Variants in DAZAP2 observed in about 807,000 individuals in gnomAD.
DAZAP2 encodes DAZ associated protein 2.
A neutral mutation model predicts 16.2 loss-of-function variants in DAZAP2; 3 were observed. The ratio of observed to expected loss-of-function variants is 0.19; its 90% CI spans 0.08 to 0.48. The LOEUF (loss-of-function observed/expected upper bound fraction) is 0.48. Among genes scored for constraint, DAZAP2 ranks in the 20% least tolerant of loss-of-function variants. The pLI is 0.98. For missense variants in DAZAP2, 172 were observed against 215.9 expected (o/e 0.80, Z 1.27); for synonymous variants, 69 against 77.6 (o/e 0.89, Z 0.58).
intron 1 of DAZAP2, 101 bp from the exon 2 acceptor site, chr12:51,240,241 TC>T: frequency 1.2e-6 from 1 of 848,072 alleles, no homozygotes; most frequent in Admixed American, 1.8e-5. Context: ...TATTTGCAAA[TC>T]CCCTTCTGCT....
chr12:51,241,246 C>G (rs1199353406), intron 3 of DAZAP2, 130 bp downstream of exon 3: 3 of 1,413,630 alleles, frequency 2.1e-6, no homozygotes, highest in African/African-American at 1.4e-5. Flanking sequence ...ACATCCAATA[C>G]TCAGGCAGAA....
At chr12:51,245,826 G>T, downstream of DAZAP2, 2 of 1,240,690 alleles carry the variant, frequency 1.6e-6, no homozygotes, top group Non-Finnish European at 2.2e-6. Flanking sequence ...CTGGAGCTTG[G>T]ATTTGCCCAC....
At chr12:51,245,855 C>G (rs937483922), downstream of DAZAP2, 6 of 1,465,244 alleles carry the variant, frequency 4.1e-6, no homozygotes, top group African/African-American at 5.6e-5. Context: ...ATGCTTCTCC[C>G]TGGCTTCAGA....
In DAZAP2 at chr12:51,243,017, C is replaced by T. The variant is rs1284997619; in HGVS notation, c.*559C>T. The T allele has an allele frequency of 1.0e-6, 1 of 1,001,670 alleles. No homozygotes were observed. Among genetic ancestry groups the T allele is most frequent in the African/African-American group, 1.7e-5 (1 of 57,666 alleles). 62.0% of individuals were successfully genotyped at this position (1,001,670 alleles called of 1,614,324 possible). ...CAATGGTGCAGGACAGAAAGCCAGT[C>T]AGACTAATTTCCTTCTTTCCTCGCA... On this transcript the variant is annotated 3_prime_UTR_variant, in exon 4 of 4. Transcript: ENST00000412716.
In DAZAP2 at chr12:51,242,905, T is replaced by C; in HGVS notation, c.*447T>C. 1 of 1,194,440 alleles carries C rather than the reference T, an allele frequency of 8.4e-7. No homozygotes were observed. The highest frequency in any genetic ancestry group is 1.0e-6 in the Non-Finnish European group (1 of 962,076). The allele number at this position is 1,194,440 out of a possible 1,614,324, so 74.0% of individuals were successfully genotyped here. A position where few individuals can be genotyped will look rare whatever the true frequency, so the allele number is the denominator to read the frequency against. ...CTTGTTATAAATGGAACGCATTAGT[T>C]GTCTGCCTTTTCCTTTCCATCCCTT... On this transcript the variant is annotated 3_prime_UTR_variant, in exon 4 of 4. Coordinates refer to ENST00000412716, the MANE Select transcript of DAZAP2 (RefSeq NM_014764.4).
At chr12:51,239,090 C>T (rs1944609848) in intron 1 of DAZAP2, 170 bp downstream of exon 1, 2 of 929,580 alleles carry the variant, frequency 2.2e-6, no homozygotes, top group Non-Finnish European at 1.6e-6. Flanking sequence ...ACCCAAATTA[C>T]GGCAGCTTGC....
chr12:51,240,771 G>C, intron 2 of DAZAP2, 100 bp from the exon 3 acceptor site: 1 of 1,487,864 alleles, frequency 6.7e-7, no homozygotes, highest in South Asian at 1.3e-5. Context: ...CTTACAAAAA[G>C]TATAACCTGC....
chr12:51,242,581 T>C lies in DAZAP2; in HGVS notation c.*123T>C, dbSNP rs780242085. ...TAGACACATGTTGTTGGGGTGTCTT[T>C]CTGGTGCCCAAACTTTCAGGCACTT... On this transcript the variant is annotated 3_prime_UTR_variant, in exon 4 of 4. Transcript: ENST00000412716. 6.2e-7 allele frequency: 1 copy of C among 1,608,184 alleles called. No homozygotes were observed. Among genetic ancestry groups the C allele is most frequent in the East Asian group, 2.2e-5 (1 of 44,818 alleles).
rs765751656 is a variant in DAZAP2 at position 51,241,014 on chromosome 12, T to C, written c.276T>C (p.Tyr92=). 3 of 1,614,036 alleles carry C rather than the reference T, an allele frequency of 1.9e-6. No individual in the cohort carries two copies. The highest frequency in any genetic ancestry group is 2.2e-5 in the East Asian group (1 of 44,896). The change falls in exon 3 of 4, where the codon TAT becomes TAC. Residue 92 remains tyrosine (Y), a synonymous_variant. Coordinates refer to ENST00000412716, the MANE Select transcript of DAZAP2 (RefSeq NM_014764.4). ...GTTCCACAATCCCCATGGCTTATTA[T>C]CCAGTCGGTCCCATCTATCCACCTG... ...PLGSTIPMAY[Y]PVGPIYPPGS...
intron 1 of DAZAP2, 67 bp from the exon 2 acceptor site, chr12:51,240,276 G>C (rs1461679171): frequency 7.7e-7 from 1 of 1,299,342 alleles, no homozygotes; most frequent in African/African-American, 1.5e-5. Flanking sequence ...TTAGCTACCC[G>C]ATATGACCTG....
At chr12:51,244,377 A>G (rs1944736481), downstream of DAZAP2, among the ~76,000 whole-genome samples, 1 of 152,116 alleles carries the variant, frequency 6.6e-6, no homozygotes, top group Non-Finnish European at 1.5e-5. Flanking sequence ...CTGTACTTTT[A>G]GTAGAGACGG....
intron 2 of DAZAP2, 82 bp downstream of exon 2, chr12:51,240,543 A>G: frequency 4.1e-6 from 5 of 1,218,040 alleles, no homozygotes; most frequent in Non-Finnish European, 4.8e-6. Context: ...CTGACTTCAC[A>G]TATTTACTCT....
Position 51,241,074 on chromosome 12 carries a change from A to G in DAZAP2, c.336A>G (p.Ala112=), listed in dbSNP as rs145743867. The G allele has an allele frequency of 1.9e-5, 30 of 1,614,118 alleles. No homozygotes were observed. The African/African-American group carries it at 3.9e-4, about 21-fold the overall frequency. Residue 112 remains alanine (A), a synonymous_variant, in exon 3 of 4, where the codon GCA becomes GCG. Coordinates refer to ENST00000412716, the MANE Select transcript of DAZAP2 (RefSeq NM_014764.4). ...TGCTGGTGGAAGGAGGGTATGATGC[A>G]GGTGCCAGATTTGGAGCTGGGGCTA... ...STVLVEGGYD[A]GARFGAGATA... is the part of the protein sequence containing the mutation.
chr12:51,244,243 G>C (rs1372496653), downstream of DAZAP2, among the ~76,000 whole-genome samples: 1 of 151,932 alleles, frequency 6.6e-6, no homozygotes, highest in Admixed American at 6.6e-5. Flanking sequence ...CTGTCACCCG[G>C]GCTGGAGTGC....
At chr12:51,240,704 T>C (rs1459078253) in intron 2 of DAZAP2, 167 bp from the exon 3 acceptor site, 24 of 983,830 alleles carry the variant, frequency 2.4e-5, no homozygotes, top group Non-Finnish European at 3.4e-5. Flanking sequence ...ACATTAGCTA[T>C]AGCAGAAAGT....
chr12:51,243,268 C>T lies in DAZAP2; in HGVS notation c.*810C>T. Reference sequence around the variant, plus strand: ...GCTATGTTTGAACAAAGATGTCGTGCAAACTGTACTGTGAACAACAGTTGG... The same window carrying T: ...GCTATGTTTGAACAAAGATGTCGTGTAAACTGTACTGTGAACAACAGTTGG... On this transcript the variant is annotated 3_prime_UTR_variant, in exon 4 of 4. Coordinates refer to ENST00000412716, the MANE Select transcript of DAZAP2 (RefSeq NM_014764.4). 1.0e-6 allele frequency: 1 copy of T among 985,938 alleles called. No individual in the cohort carries two copies. Among genetic ancestry groups the T allele is most frequent in the Non-Finnish European group, 1.2e-6 (1 of 830,018 alleles). The allele number at this position is 985,938 out of a possible 1,614,324, so 61.1% of individuals were successfully genotyped here.
In DAZAP2 at chr12:51,242,598, C is replaced by G; in HGVS notation, c.*140C>G. 3 of 1,595,052 alleles carry G rather than the reference C, an allele frequency of 1.9e-6. No individual in the cohort carries two copies. The highest frequency in any genetic ancestry group is 2.6e-6 in the Non-Finnish European group (3 of 1,170,576). On this transcript the variant is annotated 3_prime_UTR_variant, in exon 4 of 4. Transcript: ENST00000412716. ...GGTGTCTTTCTGGTGCCCAAACTTT[C>G]AGGCACTTTTCAAATTTAATAAGGA...
chr12:51,240,493 G>A (rs562295031), intron 2 of DAZAP2, 32 bp downstream of exon 2: 1 of 1,550,436 alleles, frequency 6.4e-7, no homozygotes, highest in East Asian at 2.2e-5. Context: ...TGAACTAGCT[G>A]GGAATACTCT....
At position 51,243,624 on chromosome 12, in the gene DAZAP2, C is replaced by G. The variant is rs1409599023; in HGVS notation, c.*1166C>G. ...TTTCAGTTCATCTAAATTGTGTGTT[C>G]TGTACATGTGATGTTTGACTGTACC... is the stretch of plus-strand genomic sequence containing the variant. On this transcript the variant is annotated 3_prime_UTR_variant, in exon 4 of 4. Transcript: ENST00000412716. 1 of 985,562 alleles carries G rather than the reference C, an allele frequency of 1.0e-6. No individual in the cohort carries two copies. The highest frequency in any genetic ancestry group is 1.2e-6 in the Non-Finnish European group (1 of 829,894). The allele number at this position is 985,562 out of a possible 1,614,324, so 61.1% of individuals were successfully genotyped here. A position where few individuals can be genotyped will look rare whatever the true frequency, so the allele number is the denominator to read the frequency against.
Sources: gnomAD v4.1 joint callset for allele counts (sites outside exome capture counted in the v4.1 genomes callset) on GRCh38, gnomAD v4.1.1 for gene constraint, MANE v1.5 for transcripts, NCBI Gene and HGNC (gene_info 2026-07-23, HGNC 2026-07-21) for gene names.